Variants in XKR4 observed in about 807,000 individuals in gnomAD.
XKR4 encodes the protein XK-related protein 4.
XKR4 carries 12 observed loss-of-function variants against 53.9 expected under a neutral mutation model. The observed-to-expected ratio is 0.22, with a 90% CI of 0.14 to 0.36. The LOEUF is 0.36. XKR4 is among the 10% of genes least tolerant of loss of function. XKR4 has a pLI of 1.00. For synonymous variants in XKR4, 354 were observed against 362.4 expected, an observed-to-expected ratio of 0.98 and a Z score of 0.26; for missense variants, 799 against 859.5, an observed-to-expected ratio of 0.93 and a Z score of 0.88.
intron 1 of XKR4, among the ~76,000 whole-genome samples, chr8:55,220,847 A>G (rs1051594463): frequency 1.3e-5 from 2 of 152,248 alleles, no homozygotes; most frequent in African/African-American, 4.8e-5. Flanking sequence ...AATCTTTTAA[A>G]TGAGGACATT....
intron 1 of XKR4, among the ~76,000 whole-genome samples, chr8:55,343,235 G>A (rs1345217198): frequency 6.6e-6 from 1 of 152,052 alleles, no homozygotes; most frequent in Admixed American, 6.6e-5. Context: ...ATTTTCCCTG[G>A]GGTGCTAAAA....
rs553662063 is a variant in XKR4, at chr8:55,292,958, T to C, written c.807-64720T>C. Among the ~76,000 whole-genome samples, 4 of 152,328 alleles carry C rather than the reference T, an allele frequency of 2.6e-5. No individual in the cohort carries two copies. In the East Asian group the frequency reaches 5.8e-4, roughly 22 times the overall value. ...TGGAGGTTTCCCTGTCTTTCTGTTA[T>C]AGGGTTCTAGCTGATTCTATTACAT... On this transcript the variant is annotated intron_variant, in intron 1 of 2. Coordinates refer to ENST00000327381, the MANE Select transcript of XKR4 (RefSeq NM_052898.2).
chr8:55,373,840 C>G (rs1006296428), intron 2 of XKR4, among the ~76,000 whole-genome samples: 10 of 151,732 alleles, frequency 6.6e-5, no homozygotes, highest in African/African-American at 2.4e-4. Flanking sequence ...TTTGTGAACA[C>G]AGGAGATCTC....
At chr8:55,449,632 G>A (rs904934404) in intron 2 of XKR4, 63 of 1,002,056 alleles carry the variant, frequency 6.3e-5, no homozygotes, top group Admixed American at 3.7e-4. Context: ...TCTCATCCAC[G>A]CTCTTAGGGG....
At chr8:55,462,694 G>A (rs1721652805) in intron 2 of XKR4, among the ~76,000 whole-genome samples, 1 of 152,178 alleles carries the variant, frequency 6.6e-6, no homozygotes, top group African/African-American at 2.4e-5. Flanking sequence ...TGGGTAAAGA[G>A]TCAAGACCCA....
chr8:55,310,266 G>C (rs1283631397), intron 1 of XKR4, among the ~76,000 whole-genome samples: 2 of 152,146 alleles, frequency 1.3e-5, no homozygotes, highest in Non-Finnish European at 2.9e-5. Context: ...AAATATGCAT[G>C]GTCTTTGGTA....
At chr8:55,136,547 A>C (rs1816633502) in intron 1 of XKR4, among the ~76,000 whole-genome samples, 1 of 152,258 alleles carries the variant, frequency 6.6e-6, no homozygotes, top group Admixed American at 6.5e-5. Context: ...CGAATAGTCT[A>C]AATGCCTTTA....
chr8:55,335,105 G>A (rs977804520), intron 1 of XKR4, among the ~76,000 whole-genome samples: 2 of 152,128 alleles, frequency 1.3e-5, no homozygotes, highest in African/African-American at 4.8e-5. Flanking sequence ...CATGACCTGG[G>A]TCTAAACTCA....
At chr8:55,364,931 G>A (rs1464893858) in intron 2 of XKR4, among the ~76,000 whole-genome samples, 2 of 152,120 alleles carry the variant, frequency 1.3e-5, no homozygotes, top group Non-Finnish European at 1.5e-5. Flanking sequence ...CGACCAATTT[G>A]TCCTTTTTAT....
chr8:55,113,944 T>C (rs1269007191), intron 1 of XKR4, among the ~76,000 whole-genome samples: 2 of 152,248 alleles, frequency 1.3e-5, no homozygotes, highest in Non-Finnish European at 2.9e-5. Flanking sequence ...ATGGCATCTA[T>C]GTATTACATT....
At chr8:55,213,248 C>T (rs1297400596) in intron 1 of XKR4, among the ~76,000 whole-genome samples, 5 of 152,102 alleles carry the variant, frequency 3.3e-5, no homozygotes, top group Non-Finnish European at 5.9e-5. Context: ...CTGGGGTTTT[C>T]GAAGCATAAT....
chr8:55,120,914 T>TA (rs1450774161), intron 1 of XKR4, among the ~76,000 whole-genome samples: 5 of 152,220 alleles, frequency 3.3e-5, no homozygotes, highest in Non-Finnish European at 5.9e-5. Context: ...CTGGTGTTTT[T>TA]ACTGTCTGAA....
At chr8:55,325,821 A>G (rs760769985) in intron 1 of XKR4, among the ~76,000 whole-genome samples, 1 of 152,210 alleles carries the variant, frequency 6.6e-6, no homozygotes, top group Non-Finnish European at 1.5e-5. Flanking sequence ...CACTATACAA[A>G]TGGATTCTAT....
chr8:55,361,494 A>G (rs1371772208), intron 2 of XKR4, among the ~76,000 whole-genome samples: 1 of 152,022 alleles, frequency 6.6e-6, no homozygotes, highest in African/African-American at 2.4e-5. Context: ...AATCTCACTC[A>G]TTCGTTTCAC....
chr8:55,350,738 C>CTTTTTTTTTTTTTT (rs1028164969), intron 1 of XKR4, among the ~76,000 whole-genome samples: 3 of 122,446 alleles, frequency 2.5e-5, no homozygotes, highest in Non-Finnish European at 3.4e-5. Flanking sequence ...TTTTTCTTTT[C>CTTTTTTTTTTTTTT]TTTTTTTTTT....
At chr8:55,479,508 A>G (rs1039323493) in intron 2 of XKR4, among the ~76,000 whole-genome samples, 1 of 152,172 alleles carries the variant, frequency 6.6e-6, no homozygotes, top group Admixed American at 6.5e-5. Flanking sequence ...GCAAGAGCAA[A>G]CACATTCAAA....
At chr8:55,389,160 GA>G (rs1386867631) in intron 2 of XKR4, among the ~76,000 whole-genome samples, 7 of 152,336 alleles carry the variant, frequency 4.6e-5, no homozygotes, top group Admixed American at 2.6e-4. Context: ...AAGGAGGCCT[GA>G]AACAGATCCT....
chr8:55,223,500 G>A (rs1471235822), intron 1 of XKR4, among the ~76,000 whole-genome samples: 1 of 152,192 alleles, frequency 6.6e-6, no homozygotes, highest in Admixed American at 6.5e-5. Context: ...ATATAAAATA[G>A]GATTGTATCA....
intron 1 of XKR4, among the ~76,000 whole-genome samples, chr8:55,219,003 G>A (rs577911036): frequency 7.9e-6 from 1 of 125,810 alleles, no homozygotes; most frequent in East Asian, 2.6e-4. Context: ...TCAAATTCTA[G>A]AAGCAGTCTT....
Sources: gnomAD v4.1 joint callset for allele counts (sites outside exome capture counted in the v4.1 genomes callset) on GRCh38, gnomAD v4.1.1 for gene constraint, MANE v1.5 for transcripts, NCBI Gene and HGNC (gene_info 2026-07-23, HGNC 2026-07-21) for gene names.